Variants in GAA observed in about 807,000 individuals in gnomAD.
The protein encoded by GAA is lysosomal alpha-glucosidase.
Under a neutral mutation model 103.9 loss-of-function variants are expected in GAA, and 88 were observed. The ratio of observed to expected loss-of-function variants is 0.85; its 90% CI spans 0.71 to 1.01. The LOEUF is 1.01. Ranked by LOEUF, GAA falls within the 50% of genes least tolerant of loss-of-function variation. The pLI, the probability that GAA is intolerant of heterozygous loss-of-function variation, is 0.00. For synonymous variants in GAA, 572 were observed against 563.1 expected, an observed-to-expected ratio of 1.02 and a Z score of -0.22; for missense variants, 1,350 against 1,305.3, an observed-to-expected ratio of 1.03 and a Z score of -0.53.
chr17:80,112,258 C>T (rs2039254830), intron 12 of GAA, 158 bp downstream of exon 12: 2 of 742,112 alleles, frequency 2.7e-6, no homozygotes, highest in Non-Finnish European at 4.6e-6. Context: ...GCCTGCACCC[C>T]AGCCTGAAGC....
chr17:80,116,758 G>A, intron 15 of GAA: 1 of 619,670 alleles, frequency 1.6e-6, no homozygotes, highest in Non-Finnish European at 2.9e-6. Flanking sequence ...CTGCCGGCAT[G>A]TCCGGGGAGA....
At position 80,118,318 on chromosome 17, in the gene GAA, G is replaced by C; in HGVS notation, c.2607G>C (p.Glu869Asp). 1.9e-6 allele frequency: 3 copies of C among 1,583,664 alleles called. No individual in the cohort carries two copies. The highest frequency in any genetic ancestry group is 2.6e-6 in the Non-Finnish European group (3 of 1,162,924). The change falls in exon 18 of 20, where the codon GAG becomes GAC. Residue 869 changes from glutamate (E) to aspartate (D), a missense_variant. By Grantham distance (45) the Glu-to-Asp change is conservative. Transcript: ENST00000302262. ...ATGGAGAGAGCCTGGAAGTGCTGGAGCGAGGGGCCTACACACAGGTCATCT... is the reference window on the plus strand; with the variant it reads ...ATGGAGAGAGCCTGGAAGTGCTGGACCGAGGGGCCTACACACAGGTCATCT... The part of the protein sequence containing the change: ...WDDGESLEVL[E>D]RGAYTQVIFL...
At chr17:80,112,183 G>T in intron 12 of GAA, 83 bp downstream of exon 12, 1 of 1,402,530 alleles carries the variant, frequency 7.1e-7, no homozygotes, top group East Asian at 2.3e-5. Context: ...CCTCAGGGAG[G>T]AGGAAAAGCG....
chr17:80,112,351 C>T (rs2039256685), intron 12 of GAA: 2 of 649,406 alleles, frequency 3.1e-6, no homozygotes, highest in East Asian at 5.5e-5. Flanking sequence ...CAGCGGGGAC[C>T]TCATGACTCC....
At chr17:80,115,261 C>T (rs913222879) in intron 15 of GAA, among the ~76,000 whole-genome samples, 3 of 152,140 alleles carry the variant, frequency 2.0e-5, no homozygotes, top group Admixed American at 6.5e-5. Context: ...ACTCCTTCCT[C>T]GTTGTGTTTT....
Position 80,119,643 on chromosome 17 carries a change from C to G in GAA, c.*312C>G, listed in dbSNP as rs1050249312. ...GGCATGCGGGTAGTATTAGCCACCCCCCTCCATCTGTTCCCAGCACCGGAG... is the reference window on the plus strand; with the variant it reads ...GGCATGCGGGTAGTATTAGCCACCCGCCTCCATCTGTTCCCAGCACCGGAG... On this transcript the variant is annotated 3_prime_UTR_variant, in exon 20 of 20. Coordinates refer to ENST00000302262, the MANE Select transcript of GAA (RefSeq NM_000152.5). 2.3e-5 allele frequency: 9 copies of G among 391,504 alleles called. No individual in the cohort carries two copies. Among genetic ancestry groups the G allele is most frequent in the African/African-American group, 1.5e-4 (7 of 48,190 alleles). The allele number at this position is 391,504 out of a possible 1,614,324, so 24.3% of individuals were successfully genotyped here.
intron 1 of GAA, among the ~76,000 whole-genome samples, chr17:80,103,626 C>T (rs1471160338): frequency 6.6e-6 from 1 of 152,148 alleles, no homozygotes; most frequent in Non-Finnish European, 1.5e-5. Context: ...ATAATGAAAG[C>T]GAACCCCCAT....
At position 80,109,964 on chromosome 17, in the gene GAA, C is replaced by T. The variant is rs753483808; in HGVS notation, c.1346C>T (p.Ser449Leu). 5.6e-5 allele frequency: 91 copies of T among 1,613,128 alleles called. 2 individuals are homozygous for T. The South Asian group carries it at 9.3e-4, about 17-fold the overall frequency. Residue 449 changes from serine to leucine, a missense_variant, in exon 9 of 20, where the codon TCG becomes TTG. Coordinates refer to ENST00000302262, the MANE Select transcript of GAA (RefSeq NM_000152.5). ...TCCCAGGATCCTGCCATCAGCAGCT[C>T]GGGCCCTGCCGGGAGCTACAGGCCC... is the stretch of plus-strand genomic sequence containing the variant. ...MMIVDPAISSSGPAGSYRPYD... is the reference protein window; with the variant it reads ...MMIVDPAISSLGPAGSYRPYD...
rs1439208293 is a variant in GAA, at chr17:80,116,706, T to A, written c.2190-262T>A. 7.4e-6 allele frequency: 4 copies of A among 541,628 alleles called. No individual in the cohort carries two copies. In the Admixed American group the frequency reaches 1.2e-4, roughly 17 times the overall value. 33.6% of individuals were successfully genotyped at this position (541,628 alleles called of 1,614,324 possible). A position where few individuals can be genotyped will look rare whatever the true frequency, so the allele number is the denominator to read the frequency against. On this transcript the variant is annotated intron_variant, in intron 15 of 19. Coordinates refer to ENST00000302262, the MANE Select transcript of GAA (RefSeq NM_000152.5). ...AGTGAGGCCAGTGCTGTGTCCATCC[T>A]GGTGCCTCAAGCACAAGCCCCTATT... is the stretch of plus-strand genomic sequence containing the variant.
intron 19 of GAA, among the ~76,000 whole-genome samples, chr17:80,119,058 C>T (rs144890774): frequency 2.0e-5 from 3 of 152,170 alleles, no homozygotes; most frequent in South Asian, 2.1e-4. Context: ...TTCTGGCGTG[C>T]GTTAAGGTGA....
intron 11 of GAA, 24 bp downstream of exon 11, chr17:80,111,049 T>G: frequency 9.3e-6 from 15 of 1,608,434 alleles, no homozygotes; most frequent in Non-Finnish European, 1.3e-5. Context: ...CCACCTACCC[T>G]GGGGACTTAA....
chr17:80,116,175 GC>G (rs1167951065), intron 15 of GAA, among the ~76,000 whole-genome samples: 1 of 152,170 alleles, frequency 6.6e-6, no homozygotes, highest in Non-Finnish European at 1.5e-5. Flanking sequence ...CATTTATTTT[GC>G]CCATGAATTA....
In GAA at chr17:80,108,337, G is replaced by A. The variant is rs202095215; in HGVS notation, c.1003G>A (p.Gly335Arg). The A allele has an allele frequency of 5.6e-6, 9 of 1,613,694 alleles. No individual in the cohort carries two copies. Among genetic ancestry groups the A allele is most frequent in the South Asian group, 1.1e-5 (1 of 91,090 alleles). Reference protein sequence around the residue: ...SPALSWRSTGGILDVYIFLGP... With the variant: ...SPALSWRSTGRILDVYIFLGP... ...TGCCCTTAGCTGGAGGTCGACAGGT[G>A]GGATCCTGGATGTCTACATCTTCCT... is the stretch of plus-strand genomic sequence containing the variant. The change falls in exon 6 of 20, where the codon GGG (glycine) becomes AGG (arginine). Residue 335 changes from glycine (G) to arginine (R), a missense_variant. Physicochemically the swap from Gly to Arg is moderately radical, Grantham distance 125. Transcript: ENST00000302262.
rs1224298513 is a variant in GAA at position 80,110,728 on chromosome 17, T to A, written c.1439T>A (p.Val480Glu). 6.2e-7 allele frequency: 1 copy of A among 1,613,626 alleles called. No individual in the cohort carries two copies. The highest frequency in any genetic ancestry group is 8.5e-7 in the Non-Finnish European group (1 of 1,179,912). The change falls in exon 10 of 20, where the codon GTA becomes GAA. Residue 480 changes from valine (V) to glutamate (E), a missense_variant and splice_region_variant. By Grantham distance (121) the Val-to-Glu change is moderately radical. Coordinates refer to ENST00000302262, the MANE Select transcript of GAA (RefSeq NM_000152.5). ...NETGQPLIGK[V>E]WPGSTAFPDF... is the part of the protein sequence containing the mutation. ...CCACTGCAGCCTCTCGTTGTCCAGG[T>A]ATGGCCCGGGTCCACTGCCTTCCCC... is the stretch of plus-strand genomic sequence containing the variant.
chr17:80,109,065 G>A (rs111291741), intron 8 of GAA, among the ~76,000 whole-genome samples: 289 of 152,338 alleles, frequency 1.9e-3, no homozygotes, highest in Non-Finnish European at 3.3e-3. Context: ...TCAGATGTAG[G>A]TTACTTGAAC....
In GAA at chr17:80,118,356, A is replaced by G; in HGVS notation, c.2645A>G (p.Asn882Ser). The G allele has an allele frequency of 1.9e-6, 3 of 1,561,160 alleles. No homozygotes were observed. Among genetic ancestry groups the G allele is most frequent in the Non-Finnish European group, 2.6e-6 (3 of 1,151,774 alleles). Reference protein sequence around the residue: ...AYTQVIFLARNNTIVNELVRV... With the variant: ...AYTQVIFLARSNTIVNELVRV... ...ACACAGGTCATCTTCCTGGCCAGGA[A>G]TGTGAGTCCTGGGGCTGCTCAGGCT... Residue 882 changes from asparagine (N) to serine (S), a missense_variant and splice_region_variant, in exon 18 of 20, where the codon AAT (asparagine) becomes AGT (serine). Physicochemically the swap from Asn to Ser is conservative, Grantham distance 46. Coordinates refer to ENST00000302262, the MANE Select transcript of GAA (RefSeq NM_000152.5).
In GAA at chr17:80,107,858, C is replaced by T. The variant is rs138097673; in HGVS notation, c.917C>T (p.Ser306Leu). 4.8e-4 allele frequency: 775 copies of T among 1,611,838 alleles called. 3 individuals carry two copies. The African/African-American group carries it at 9.0e-3, about 19-fold the overall frequency. Residue 306 changes from serine to leucine, a missense_variant, in exon 5 of 20, where the codon TCG (serine) becomes TTG (leucine). Coordinates refer to ENST00000302262, the MANE Select transcript of GAA (RefSeq NM_000152.5). ...PFYLALEDGGSAHGVFLLNSN... is the reference protein window; with the variant it reads ...PFYLALEDGGLAHGVFLLNSN... ...TACCTGGCGCTGGAGGACGGCGGGT[C>T]GGCACACGGGGTGTTCCTGCTAAAC...
Position 80,108,557 on chromosome 17 carries a change from G to A in GAA, c.1144G>A (p.Ala382Thr), listed in dbSNP as rs1193750279. ...GTGCCGCTGGGGCTACTCCTCCACC[G>A]CTATCACCCGCCAGGTGGTGGAGAA... Reference protein sequence around the residue: ...HLCRWGYSSTAITRQVVENMT... With the variant: ...HLCRWGYSSTTITRQVVENMT... The change falls in exon 7 of 20, where the codon GCT (alanine) becomes ACT (threonine). Residue 382 changes from alanine (A) to threonine (T), a missense_variant. Ala to Thr is a moderately conservative substitution (Grantham distance 58). Coordinates refer to ENST00000302262, the MANE Select transcript of GAA (RefSeq NM_000152.5). The A allele has an allele frequency of 4.3e-6, 7 of 1,612,716 alleles. No individual in the cohort carries two copies. Among genetic ancestry groups the A allele is most frequent in the Admixed American group, 3.3e-5 (2 of 59,960 alleles).
In GAA at chr17:80,104,091, C is replaced by T. The variant is rs1235448363; in HGVS notation, c.-32-464C>T. ...CCAGCCTGGGTAACATGGCAAAATC[C>T]CGTCTCTACAAAAATACAGAAAATT... is the stretch of plus-strand genomic sequence containing the variant. On this transcript the variant is annotated intron_variant, in intron 1 of 19. Transcript: ENST00000302262. The surrounding 1 kb of genome is among the most constrained non-coding windows in gnomAD (Gnocchi z 4.0). 1.3e-5 allele frequency among the ~76,000 whole-genome samples: 2 copies of T among 152,084 alleles called. No homozygotes were observed. Among genetic ancestry groups the T allele is most frequent in the Non-Finnish European group, 2.9e-5 (2 of 68,022 alleles).
Sources: allele counts gnomAD v4.1 joint callset (sites outside exome capture counted in the v4.1 genomes callset), GRCh38; gene constraint gnomAD v4.1.1; non-coding constraint Gnocchi (gnomAD v3.1); transcripts MANE v1.5; gene names NCBI Gene and HGNC (gene_info 2026-07-23, HGNC 2026-07-21).